The following NBEA variants were observed in gnomAD, a reference collection of about 807,000 sequenced individuals.
The protein encoded by NBEA is neurobeachin, also known as lysosomal-trafficking regulator 2.
A neutral mutation model predicts 343.4 loss-of-function variants in NBEA; 44 were observed. The observed-to-expected ratio is 0.13, with a 90% CI of 0.10 to 0.16. The LOEUF is 0.16. Ranked by LOEUF, NBEA falls within the 10% of genes least tolerant of loss-of-function variation. The probability of loss-of-function intolerance (pLI) is 1.00; values close to 1 mark genes in which losing one functional copy is unlikely to be tolerated. For synonymous variants in NBEA, 1,175 were observed against 1,238.7 expected (o/e 0.95, Z 1.08); for missense variants, 2,555 against 3,631.3 (o/e 0.70, Z 7.62).
chr13:35,316,229 G>A (rs1196711126), intron 36 of NBEA, among the ~76,000 whole-genome samples: 1 of 151,992 alleles, frequency 6.6e-6, no homozygotes, highest in Non-Finnish European at 1.5e-5. Context: ...ATCCACATTA[G>A]GTATTTCTCC....
At chr13:35,301,620 G>T (rs1461277777) in intron 35 of NBEA, among the ~76,000 whole-genome samples, 2 of 152,054 alleles carry the variant, frequency 1.3e-5, no homozygotes, top group South Asian at 4.1e-4. Flanking sequence ...CCACATCTTT[G>T]CTATTGTAAA....
chr13:34,942,985 G>T lies in NBEA; in HGVS notation c.165G>T (p.Met55Ile). The T allele has an allele frequency of 6.2e-7, 1 of 1,608,622 alleles. No individual in the cohort carries two copies. Among genetic ancestry groups the T allele is most frequent in the Non-Finnish European group, 8.5e-7 (1 of 1,177,682 alleles). Residue 55 changes from methionine (M) to isoleucine (I), a missense_variant, in exon 1 of 59, where the codon ATG becomes ATT. Coordinates refer to ENST00000379939, the MANE Select transcript of NBEA (RefSeq NM_001385012.1). ...GGGCGTCCGGCTCCGGCTCGGTGAT[G>T]CTCCCCGCGGGGATGATTAACCCTT... Reference protein sequence around the residue: ...LRGASGSGSVMLPAGMINPSV... With the variant: ...LRGASGSGSVILPAGMINPSV...
Position 35,671,107 on chromosome 13 carries a change from C to G in NBEA, c.*116C>G, listed in dbSNP as rs2085598694. 3.0e-6 allele frequency: 2 copies of G among 677,136 alleles called. No homozygotes were observed. The highest frequency in any genetic ancestry group is 4.8e-5 in the Admixed American group (2 of 41,554). The allele number at this position is 677,136 out of a possible 1,614,324, so 41.9% of individuals were successfully genotyped here. A position where few individuals can be genotyped will look rare whatever the true frequency, so the allele number is the denominator to read the frequency against. Reference sequence around the variant, plus strand: ...ATCGACCTCCGTTTGTACATTCCATCACACCCAGCAATAGCTGTACATTGT... The same window carrying G: ...ATCGACCTCCGTTTGTACATTCCATGACACCCAGCAATAGCTGTACATTGT... On this transcript the variant is annotated 3_prime_UTR_variant, in exon 59 of 59. Transcript: ENST00000379939.
chr13:35,499,584 T>G (rs2076810352), intron 41 of NBEA, among the ~76,000 whole-genome samples: 1 of 152,116 alleles, frequency 6.6e-6, no homozygotes, highest in South Asian at 2.1e-4. Flanking sequence ...CTATTCCCTT[T>G]TGTCCAGGCA....
At chr13:35,047,901 G>A (rs1302545300) in intron 4 of NBEA, among the ~76,000 whole-genome samples, 1 of 151,584 alleles carries the variant, frequency 6.6e-6, no homozygotes, top group Non-Finnish European at 1.5e-5. Context: ...GAAATAATCA[G>A]CTACTTTCTT....
intron 1 of NBEA, among the ~76,000 whole-genome samples, chr13:34,983,638 A>G (rs1199327311): frequency 6.6e-6 from 1 of 152,196 alleles, no homozygotes; most frequent in Non-Finnish European, 1.5e-5. Context: ...ACTCTCACCA[A>G]CAGTGTAAAA....
chr13:35,283,647 A>G (rs1407549904), intron 34 of NBEA, among the ~76,000 whole-genome samples: 1 of 152,208 alleles, frequency 6.6e-6, no homozygotes, highest in Non-Finnish European at 1.5e-5. Context: ...ATTTCATAGC[A>G]TCTTTAGGAA....
At chr13:35,469,099 C>A (rs1210329923) in intron 40 of NBEA, among the ~76,000 whole-genome samples, 298 of 84,934 alleles carry the variant, frequency 3.5e-3, no homozygotes, top group East Asian at 4.2e-3. Flanking sequence ...GACTCTATCT[C>A]AAAAAAAAAA....
At chr13:35,621,228 G>T (rs972698116) in intron 48 of NBEA, among the ~76,000 whole-genome samples, 3 of 152,170 alleles carry the variant, frequency 2.0e-5, no homozygotes, top group Non-Finnish European at 4.4e-5. Flanking sequence ...TGCTCCCAAA[G>T]ATCAGAGGTT....
chr13:35,517,646 A>G (rs1447024395), intron 41 of NBEA, among the ~76,000 whole-genome samples: 1 of 152,176 alleles, frequency 6.6e-6, no homozygotes, highest in African/African-American at 2.4e-5. Flanking sequence ...AAGGCCCATT[A>G]TCAGATATCA....
intron 1 of NBEA, among the ~76,000 whole-genome samples, chr13:35,006,116 G>A (rs1008030494): frequency 1.3e-5 from 2 of 152,060 alleles, no homozygotes; most frequent in African/African-American, 4.8e-5. Context: ...CTCTTTACGT[G>A]TAATTATTGA....
intron 1 of NBEA, among the ~76,000 whole-genome samples, chr13:35,034,363 T>G (rs1473919262): frequency 6.6e-6 from 1 of 152,088 alleles, no homozygotes; most frequent in East Asian, 1.9e-4. Flanking sequence ...TAAATCCCAT[T>G]TGATCATGAT....
intron 38 of NBEA, among the ~76,000 whole-genome samples, chr13:35,395,384 C>T (rs998822945): frequency 5.3e-5 from 8 of 152,052 alleles, no homozygotes; most frequent in Non-Finnish European, 2.9e-5. Context: ...TCTCTTCCTT[C>T]TGCTCTGGTT....
intron 48 of NBEA, among the ~76,000 whole-genome samples, chr13:35,610,430 G>C (rs868123180): frequency 6.6e-6 from 1 of 151,962 alleles, no homozygotes; most frequent in Non-Finnish European, 1.5e-5. Context: ...ATAAAATAAA[G>C]ATAAATTGGC....
chr13:35,437,783 T>C (rs139373359), intron 39 of NBEA, among the ~76,000 whole-genome samples: 99 of 152,314 alleles, frequency 6.5e-4, no homozygotes, highest in Middle Eastern at 3.4e-3. Flanking sequence ...CTTTTTCTTT[T>C]GAGCAAATGA....
chr13:34,944,582 G>T (rs1315223935), intron 1 of NBEA, among the ~76,000 whole-genome samples: 2 of 152,126 alleles, frequency 1.3e-5, no homozygotes, highest in Non-Finnish European at 2.9e-5. Context: ...ATATAACCAA[G>T]TTCTTTTCAG....
intron 38 of NBEA, among the ~76,000 whole-genome samples, chr13:35,408,355 TA>T (rs2043391292): frequency 6.6e-6 from 1 of 152,038 alleles, no homozygotes; most frequent in Non-Finnish European, 1.5e-5. Flanking sequence ...TACACAAAAA[TA>T]AACTCAAGAT....
At chr13:35,395,523 C>G (rs1240534543) in intron 38 of NBEA, among the ~76,000 whole-genome samples, 1 of 152,088 alleles carries the variant, frequency 6.6e-6, no homozygotes, top group Non-Finnish European at 1.5e-5. Flanking sequence ...AACCTCTTTT[C>G]TTCATAAATT....
At chr13:35,610,972 A>G (rs7329582) in intron 48 of NBEA, among the ~76,000 whole-genome samples, 33,873 of 151,606 alleles carry the variant, frequency 0.22, 3,983 homozygotes, top group Non-Finnish European at 0.24. Context: ...TAATCCACAA[A>G]TTAAAATTAA....
Sources: gnomAD v4.1 joint callset for allele counts (sites outside exome capture counted in the v4.1 genomes callset) on GRCh38, gnomAD v4.1.1 for gene constraint, MANE v1.5 for transcripts, NCBI Gene and HGNC (gene_info 2026-07-23, HGNC 2026-07-21) for gene names.